Variants in ERCC6 observed in about 807,000 individuals in gnomAD.
ERCC6 encodes ERCC excision repair 6, chromatin remodeling factor.
In ERCC6, 116 loss-of-function variants were observed where a neutral mutation model predicts 158.7. The ratio of observed to expected loss-of-function variants is 0.73; its 90% CI spans 0.63 to 0.85. The LOEUF (loss-of-function observed/expected upper bound fraction) is 0.85. ERCC6 is among the 40% of genes least tolerant of loss of function. ERCC6 has a pLI of 0.00. For missense variants in ERCC6, 1,698 were observed against 1,799.4 expected (o/e 0.94, Z 1.02); for synonymous variants, 678 against 659.3 (o/e 1.03, Z -0.43).
intron 5 of ERCC6, among the ~76,000 whole-genome samples, chr10:49,521,465 AT>A (rs1250730882): frequency 6.6e-6 from 1 of 152,230 alleles, no homozygotes; most frequent in Non-Finnish European, 1.5e-5. Context: ...GCAGTAGTAT[AT>A]TTTAAGAAAG....
chr10:49,518,724 C>T (rs1590462920), intron 5 of ERCC6, among the ~76,000 whole-genome samples: 1 of 152,096 alleles, frequency 6.6e-6, no homozygotes, highest in South Asian at 2.1e-4. Flanking sequence ...TGTGCACAAC[C>T]CAACCCTCCC....
At chr10:49,464,450 C>T (rs969163254) in intron 18 of ERCC6, among the ~76,000 whole-genome samples, 1 of 152,192 alleles carries the variant, frequency 6.6e-6, no homozygotes, top group African/African-American at 2.4e-5. Flanking sequence ...GAAAGAAAAC[C>T]CCATTTTCTC....
At position 49,482,539 on chromosome 10, in the gene ERCC6, A is replaced by ATTT. The variant is rs571372686; in HGVS notation, c.2169+145_2169+147dup. On this transcript the variant is annotated intron_variant, in intron 10 of 20. Transcript: ENST00000355832. ...ATGATCAAGCAAAGATAATTTTGTG[A>ATTT]TTTTTTTTTTTTTTTTTTAACCAGA... The ATTT allele has an allele frequency of 0.05, 23,531 of 466,294 alleles. 477 individuals carry two copies. Among genetic ancestry groups the ATTT allele is most frequent in the Non-Finnish European group, 0.058 (15,873 of 271,508 alleles). The allele number at this position is 466,294 out of a possible 1,614,324, so 28.9% of individuals were successfully genotyped here. A position where few individuals can be genotyped will look rare whatever the true frequency, so the allele number is the denominator to read the frequency against.
the ERCC6 span, among the ~76,000 whole-genome samples, chr10:49,445,859 A>G: frequency 6.6e-6 from 1 of 152,178 alleles, no homozygotes; most frequent in Non-Finnish European, 1.5e-5. Flanking sequence ...CTTGCTTTAG[A>G]AAAAGAATCA....
intron 12 of ERCC6, among the ~76,000 whole-genome samples, chr10:49,474,696 TTAATA>T (rs1850844034): frequency 6.6e-6 from 1 of 152,200 alleles, no homozygotes; most frequent in Non-Finnish European, 1.5e-5. Context: ...GTTCTGCAGT[TTAATA>T]TGAGTCAGAG....
At chr10:49,484,880 A>G (rs958109791) in intron 8 of ERCC6, among the ~76,000 whole-genome samples, 2 of 152,250 alleles carry the variant, frequency 1.3e-5, no homozygotes, top group African/African-American at 4.8e-5. Flanking sequence ...AAATGTCCGA[A>G]GGCAAAGAGG....
chr10:49,523,135 G>A (rs1837214750), intron 5 of ERCC6, among the ~76,000 whole-genome samples: 1 of 152,172 alleles, frequency 6.6e-6, no homozygotes, highest in Non-Finnish European at 1.5e-5. Flanking sequence ...AAAAACTGTT[G>A]AGGATTGGGA....
intron 5 of ERCC6, among the ~76,000 whole-genome samples, chr10:49,512,028 A>T (rs548763487): frequency 1.3e-5 from 2 of 152,238 alleles, no homozygotes; most frequent in Admixed American, 6.5e-5. Flanking sequence ...TTCAGATGCT[A>T]TAACAGTTGG....
chr10:49,475,004 AAAC>A (rs1223423999), intron 12 of ERCC6, among the ~76,000 whole-genome samples: 2 of 152,174 alleles, frequency 1.3e-5, no homozygotes, highest in Non-Finnish European at 2.9e-5. Flanking sequence ...TATCACTAGT[AAAC>A]AACAGTAAAC....
At chr10:49,482,561 C>T in intron 10 of ERCC6, 126 bp downstream of exon 10, 1 of 575,976 alleles carries the variant, frequency 1.7e-6, no homozygotes. Flanking sequence ...TTTTTTTAAC[C>T]AGATACCAAT....
chr10:49,507,226 C>T (rs4253093), intron 5 of ERCC6, among the ~76,000 whole-genome samples: 1,795 of 152,188 alleles, frequency 0.012, 40 homozygotes, highest in African/African-American at 0.041. Flanking sequence ...AAAATTTCAA[C>T]TCTTCAAGGT....
the ERCC6 span, among the ~76,000 whole-genome samples, chr10:49,438,403 C>G: frequency 6.6e-6 from 1 of 152,112 alleles, no homozygotes; most frequent in Non-Finnish European, 1.5e-5. Flanking sequence ...GTGGAAACCC[C>G]TGATAAACCC....
Position 49,457,638 on chromosome 10 carries a change from T to G in ERCC6, c.*1177A>C, listed in dbSNP as rs1850505706. 1 of 152,122 alleles carries G rather than the reference T, an allele frequency of 6.6e-6. No individual in the cohort carries two copies. The highest frequency in any genetic ancestry group is 1.5e-5 in the Non-Finnish European group (1 of 68,040). 9.4% of individuals were successfully genotyped at this position (152,122 alleles called of 1,614,324 possible). On this transcript the variant is annotated 3_prime_UTR_variant, in exon 21 of 21. Coordinates refer to ENST00000355832, the MANE Select transcript of ERCC6 (RefSeq NM_000124.4). Reference sequence around the variant, plus strand: ...AAAAATGAGAGAGAGGAAAAGAGCATGCCAGAGAATACAAATCCAAGAAAC... The same window carrying G: ...AAAAATGAGAGAGAGGAAAAGAGCAGGCCAGAGAATACAAATCCAAGAAAC...
At chr10:49,467,233 T>C (rs908113071) in intron 18 of ERCC6, among the ~76,000 whole-genome samples, 1 of 152,222 alleles carries the variant, frequency 6.6e-6, no homozygotes, top group Non-Finnish European at 1.5e-5. Flanking sequence ...TCCATTTCTC[T>C]TGGGCAAATA....
At position 49,478,563 on chromosome 10, in the gene ERCC6, A is replaced by T. The variant is rs1348661713; in HGVS notation, c.2170-93T>A. 1.5e-5 allele frequency: 12 copies of T among 814,408 alleles called. No homozygotes were observed. In the Admixed American group the frequency reaches 2.2e-4, roughly 15 times the overall value. The allele number at this position is 814,408 out of a possible 1,614,324, so 50.4% of individuals were successfully genotyped here. A position where few individuals can be genotyped will look rare whatever the true frequency, so the allele number is the denominator to read the frequency against. On this transcript the variant is annotated intron_variant, in intron 10 of 20. Transcript: ENST00000355832. ...AATTGCTTCCATTCCTTAAAAAAAAAAAAAGAATAACCAACAGCTGTATAA... is the reference window on the plus strand; with the variant it reads ...AATTGCTTCCATTCCTTAAAAAAAATAAAAGAATAACCAACAGCTGTATAA...
the ERCC6 span, among the ~76,000 whole-genome samples, chr10:49,447,386 C>T: frequency 6.6e-6 from 1 of 152,070 alleles, no homozygotes; most frequent in Non-Finnish European, 1.5e-5. Flanking sequence ...AACCCTATAC[C>T]CATTAAGAAA....
chr10:49,489,175 T>C (rs1851130116), intron 8 of ERCC6, among the ~76,000 whole-genome samples: 1 of 152,216 alleles, frequency 6.6e-6, no homozygotes, highest in Non-Finnish European at 1.5e-5. Context: ...TAGATGATCT[T>C]GAATGACCAT....
intron 7 of ERCC6, among the ~76,000 whole-genome samples, chr10:49,493,676 A>C (rs1157814094): frequency 6.6e-6 from 1 of 152,222 alleles, no homozygotes; most frequent in Non-Finnish European, 1.5e-5. Context: ...TTTTCAAGCC[A>C]CAGAATTTCA....
intron 8 of ERCC6, among the ~76,000 whole-genome samples, chr10:49,488,966 A>G (rs912158763): frequency 2.0e-5 from 3 of 151,974 alleles, no homozygotes; most frequent in Admixed American, 6.6e-5. Context: ...TTGTATTTTT[A>G]GTAGAGACGG....
Sources: gnomAD v4.1 joint callset for allele counts (sites outside exome capture counted in the v4.1 genomes callset) on GRCh38, gnomAD v4.1.1 for gene constraint, MANE v1.5 for transcripts, NCBI Gene and HGNC (gene_info 2026-07-23, HGNC 2026-07-21) for gene names.